The following RFX1 variants were observed in gnomAD, a reference collection of about 807,000 sequenced individuals.
The protein encoded by RFX1 is MHC class II regulatory factor RFX1.
A neutral mutation model predicts 119.6 loss-of-function variants in RFX1; 42 were observed. The ratio of observed to expected loss-of-function variants is 0.35; its 90% CI spans 0.27 to 0.45. The LOEUF is 0.45. Ranked by LOEUF, RFX1 falls within the 20% of genes least tolerant of loss-of-function variation. The pLI is 1.00. For missense variants in RFX1, 1,118 were observed against 1,368.1 expected (o/e 0.82, Z 2.88); for synonymous variants, 628 against 618.5 (o/e 1.02, Z -0.23).
chr19:13,981,091 C>G (rs1324175453), intron 5 of RFX1, among the ~76,000 whole-genome samples: 2 of 152,202 alleles, frequency 1.3e-5, no homozygotes, highest in Non-Finnish European at 2.9e-5. Context: ...TCATGGCACC[C>G]CCACTTCCCA....
At chr19:13,975,186 T>A (rs1252091862) in intron 8 of RFX1, among the ~76,000 whole-genome samples, 3 of 151,294 alleles carry the variant, frequency 2.0e-5, no homozygotes, top group Admixed American at 1.3e-4. Flanking sequence ...TGAAACCCTC[T>A]CTCTACTGAA....
In RFX1 at chr19:13,985,988, A is replaced by G. The variant is rs555961419; in HGVS notation, c.320-2393T>C. Among the ~76,000 whole-genome samples, 2 of 152,198 alleles carry G rather than the reference A, an allele frequency of 1.3e-5. No homozygotes were observed. Among genetic ancestry groups the G allele is most frequent in the African/African-American group, 2.4e-5 (1 of 41,550 alleles). On this transcript the variant is annotated intron_variant, in intron 2 of 20. Transcript: ENST00000254325. This position sits in a 1 kb window ranked among gnomAD's most constrained non-coding sequence, Gnocchi z 4.3. Reference sequence around the variant, plus strand: ...GCCTGACCAGCTACCTGTGCAGCCAATTCCACAGGCCCTAATCCCTGTGTT... The same window carrying G: ...GCCTGACCAGCTACCTGTGCAGCCAGTTCCACAGGCCCTAATCCCTGTGTT...
At position 13,971,776 on chromosome 19, in the gene RFX1, G is replaced by A. The variant is rs201363144; in HGVS notation, c.1314+967C>T. ...TGTAATCCCAGCACTTTGGGAGGCC[G>A]AGGAGGGTGGATCACGAGGTCAGGA... On this transcript the variant is annotated intron_variant, in intron 9 of 20. Coordinates refer to ENST00000254325, the MANE Select transcript of RFX1 (RefSeq NM_002918.5). Among the ~76,000 whole-genome samples the A allele has an allele frequency of 2.4e-4, 37 of 152,186 alleles. 1 individual carries two copies. In the East Asian group the frequency reaches 6.6e-3, roughly 27 times the overall value.
intron 1 of RFX1, among the ~76,000 whole-genome samples, chr19:14,002,932 C>T (rs1975264166): frequency 6.6e-6 from 1 of 152,208 alleles, no homozygotes; most frequent in African/African-American, 2.4e-5. Flanking sequence ...CCCCGCTCAC[C>T]CAGCTGCCTC....
At chr19:13,976,124 A>G (rs1246663283) in intron 8 of RFX1, among the ~76,000 whole-genome samples, 1 of 152,168 alleles carries the variant, frequency 6.6e-6, no homozygotes, top group East Asian at 1.9e-4. Flanking sequence ...TGAAAAGATT[A>G]GCAGCACTGG....
chr19:13,963,142 G>C lies in RFX1; in HGVS notation c.2704C>G (p.Pro902Ala). Reference sequence around the variant, plus strand: ...CGCACCTCGCCCATGACGGCGATGGGGGTCTCGCCCTTGGCCTGGGCTACG... The same window carrying C: ...CGCACCTCGCCCATGACGGCGATGGCGGTCTCGCCCTTGGCCTGGGCTACG... ...HRVAQAKGET[P>A]IAVMGEFANL... Residue 902 changes from proline to alanine, a missense_variant, in exon 19 of 21, where the codon CCC (proline) becomes GCC (alanine). Physicochemically the swap from Pro to Ala is conservative, Grantham distance 27. Around this residue, in one of 5 missense-constraint regions of RFX1, gnomAD observed 138 missense variants for 117.8 expected, o/e 1.17. Coordinates refer to ENST00000254325, the MANE Select transcript of RFX1 (RefSeq NM_002918.5). 2.5e-6 allele frequency: 4 copies of C among 1,611,838 alleles called. No homozygotes were observed. In the Admixed American group the frequency reaches 5.0e-5, roughly 20 times the overall value.
chr19:13,993,296 A>G (rs897107486), intron 2 of RFX1, among the ~76,000 whole-genome samples: 8 of 152,186 alleles, frequency 5.3e-5, no homozygotes, highest in Non-Finnish European at 1.2e-4. Context: ...CTCTGTCTCA[A>G]AAAATAAAAT....
rs1599467440 is a variant in RFX1, at chr19:13,962,371, T to G, written c.*324A>C. The G allele has an allele frequency of 1.5e-5, 5 of 327,060 alleles. No homozygotes were observed. Among genetic ancestry groups the G allele is most frequent in the Non-Finnish European group, 1.6e-5 (3 of 185,834 alleles). The allele number at this position is 327,060 out of a possible 1,614,324, so 20.3% of individuals were successfully genotyped here. A position where few individuals can be genotyped will look rare whatever the true frequency, so the allele number is the denominator to read the frequency against. On this transcript the variant is annotated 3_prime_UTR_variant, in exon 21 of 21. Transcript: ENST00000254325. ...GGGCCTGCCTGCCTGCCCCCTGGGG[T>G]GGTGGGAGGACGGGGCTGGGGAGAA...
At position 13,965,452 on chromosome 19, in the gene RFX1, C is replaced by T. The variant is rs141052185; in HGVS notation, c.2208G>A (p.Val736=). ...MVNIPEEMLR[V]KVAAAGAFAQ... ...AGGGACCCCCTCACACTCTCACCTT[C>T]ACCCGCAGCATCTCCTCGGGGATGT... Residue 736 remains valine, a synonymous_variant, in exon 16 of 21, where the codon GTG becomes GTA. Coordinates refer to ENST00000254325, the MANE Select transcript of RFX1 (RefSeq NM_002918.5). The surrounding 1 kb of genome is among the most constrained non-coding windows in gnomAD (Gnocchi z 4.7). 1.7e-5 allele frequency: 27 copies of T among 1,613,528 alleles called. No homozygotes were observed. The African/African-American group carries it at 3.5e-4, about 21-fold the overall frequency.
At position 13,983,562 on chromosome 19, in the gene RFX1, T is replaced by TCCGACACTGTCTCGCTGGCCC; in HGVS notation, c.332_352dup (p.Ser117_Glu118insGlyAlaSerGluThrValSer). 3 of 1,609,990 alleles carry TCCGACACTGTCTCGCTGGCCC rather than the reference T, an allele frequency of 1.9e-6. No individual in the cohort carries two copies. Among genetic ancestry groups the TCCGACACTGTCTCGCTGGCCC allele is most frequent in the Non-Finnish European group, 2.5e-6 (3 of 1,179,270 alleles). ...GCTGGCGGTGGAGCCGGGGCTGGCCTCCGACACTGTCTCGCTGGCCCGCAT... is the reference window on the plus strand; with the variant it reads ...GCTGGCGGTGGAGCCGGGGCTGGCCTCCGACACTGTCTCGCTGGCCCCCGACACTGTCTCGCTGGCCCGCAT... On this transcript the variant is annotated inframe_insertion, in exon 3 of 21. Coordinates refer to ENST00000254325, the MANE Select transcript of RFX1 (RefSeq NM_002918.5).
intron 12 of RFX1, among the ~76,000 whole-genome samples, chr19:13,967,262 G>A (rs1396377837): frequency 6.6e-6 from 1 of 152,186 alleles, no homozygotes; most frequent in Non-Finnish European, 1.5e-5. Flanking sequence ...TCAAGGATGT[G>A]TGGCTGGACT....
intron 12 of RFX1, among the ~76,000 whole-genome samples, chr19:13,967,919 A>C (rs1849701259): frequency 6.6e-6 from 1 of 152,224 alleles, no homozygotes; most frequent in Admixed American, 6.5e-5. Flanking sequence ...ACCTGCCGTC[A>C]TATCTCCAAA....
At chr19:13,987,323 C>T (rs1974634152) in intron 2 of RFX1, among the ~76,000 whole-genome samples, 2 of 152,138 alleles carry the variant, frequency 1.3e-5, no homozygotes, top group Admixed American at 1.3e-4. Flanking sequence ...CTTCCTACCA[C>T]CTCCAAAGTC....
At position 13,993,580 on chromosome 19, in the gene RFX1, G is replaced by A. The variant is rs148365597; in HGVS notation, c.264C>T (p.Thr88=). 742 of 1,612,814 alleles carry A rather than the reference G, an allele frequency of 4.6e-4. 5 individuals carry two copies. The African/African-American group carries it at 7.7e-3, about 17-fold the overall frequency. ...LPAVPAPSQP[T]GAPTPSPAPQ... is the part of the protein sequence containing the mutation. ...GTGCAGGCGAAGGGGTGGGTGCACC[G>A]GTTGGCTGCGAGGGTGCGGGTACAG... The change falls in exon 2 of 21, where the codon ACC becomes ACT. Residue 88 remains threonine (T), a synonymous_variant. Coordinates refer to ENST00000254325, the MANE Select transcript of RFX1 (RefSeq NM_002918.5).
At chr19:13,973,252 G>A (rs1974149110) in intron 8 of RFX1, 125 bp from the exon 9 acceptor site, 2 of 712,982 alleles carry the variant, frequency 2.8e-6, no homozygotes, top group Non-Finnish European at 4.8e-6. Flanking sequence ...CTGCAGCAAG[G>A]AGCAGATCCT....
At chr19:13,973,157 C>A in intron 8 of RFX1, 30 bp from the exon 9 acceptor site, 1 of 1,559,976 alleles carries the variant, frequency 6.4e-7, no homozygotes, top group South Asian at 1.1e-5. Flanking sequence ...AAGGGAGAGT[C>A]AGGGGGATGA....
intron 4 of RFX1, 63 bp from the exon 5 acceptor site, chr19:13,982,291 C>A: frequency 1.1e-6 from 1 of 939,394 alleles, no homozygotes; most frequent in Non-Finnish European, 1.4e-6. Flanking sequence ...TTGCACCGAG[C>A]ATCTGCGCAG....
In RFX1 at chr19:13,982,173, C is replaced by A; in HGVS notation, c.569G>T (p.Gly190Val). 7.6e-7 allele frequency: 1 copy of A among 1,312,354 alleles called. No homozygotes were observed. The highest frequency in any genetic ancestry group is 9.8e-7 in the Non-Finnish European group (1 of 1,021,606). 81.3% of individuals were successfully genotyped at this position (1,312,354 alleles called of 1,614,324 possible). A position where few individuals can be genotyped will look rare whatever the true frequency, so the allele number is the denominator to read the frequency against. Reference sequence around the variant, plus strand: ...ACCATGGACCGTCAGGGAGACCTGGCCACCTTTGCTGCCTGGGGCTGCGCT... The same window carrying A: ...ACCATGGACCGTCAGGGAGACCTGGACACCTTTGCTGCCTGGGGCTGCGCT... ...VQSAAPGSKG[G>V]QVSLTVHGTQ... Residue 190 changes from glycine (G) to valine (V), a missense_variant, in exon 5 of 21, where the codon GGC becomes GTC. Gly to Val is a moderately radical substitution (Grantham distance 109). This residue lies in a region of RFX1 where 542 missense variants were observed against 602.7 expected (regional missense o/e 0.90). Transcript: ENST00000254325.
chr19:13,966,408 G>C lies in RFX1; in HGVS notation c.1961+13C>G, dbSNP rs528252575. Reference sequence around the variant, plus strand: ...CCCCCCTCTCCCTCCCACAGTCGCCGGGCAGTACTCACACAGCCAGCGGTG... The same window carrying C: ...CCCCCCTCTCCCTCCCACAGTCGCCCGGCAGTACTCACACAGCCAGCGGTG... On this transcript the variant is annotated intron_variant, in intron 14 of 20. Coordinates refer to ENST00000254325, the MANE Select transcript of RFX1 (RefSeq NM_002918.5). This position sits in a 1 kb window ranked among gnomAD's most constrained non-coding sequence, Gnocchi z 6.3. 6 of 1,565,848 alleles carry C rather than the reference G, an allele frequency of 3.8e-6. No homozygotes were observed. Among genetic ancestry groups the C allele is most frequent in the Non-Finnish European group, 5.3e-6 (6 of 1,137,570 alleles).
Sources: allele counts gnomAD v4.1 joint callset (sites outside exome capture counted in the v4.1 genomes callset), GRCh38; gene constraint gnomAD v4.1.1; regional missense constraint gnomAD v4.1.1; non-coding constraint Gnocchi (gnomAD v3.1); transcripts MANE v1.5; gene names NCBI Gene and HGNC (gene_info 2026-07-23, HGNC 2026-07-21).